INSC: variants seen among roughly 807,000 people sequenced by gnomAD.
INSC encodes the protein INSC spindle orientation adaptor protein, also known as protein inscuteable homolog.
A neutral mutation model predicts 58.6 loss-of-function variants in INSC; 67 were observed. The ratio of observed to expected loss-of-function variants is 1.14; its 90% CI spans 0.94 to 1.40. INSC has a LOEUF of 1.40. Ranked by LOEUF, INSC falls within the 40% of genes most tolerant of loss-of-function variation. INSC has a pLI of 0.00. For missense variants in INSC, 714 were observed against 692.0 expected (o/e 1.03, Z -0.36); for synonymous variants, 262 against 276.1 (o/e 0.95, Z 0.51).
the INSC span, among the ~76,000 whole-genome samples, chr11:15,258,281 C>T: frequency 6.6e-6 from 1 of 152,100 alleles, no homozygotes; most frequent in Admixed American, 6.5e-5. Flanking sequence ...GCCTCTCTTT[C>T]GTTATAAAGA....
chr11:15,133,335 TATTTGGTTCTTTCTCAA>T (rs576194138), intron 1 of INSC, among the ~76,000 whole-genome samples: 170 of 152,340 alleles, frequency 1.1e-3, no homozygotes, highest in African/African-American at 4.0e-3. Context: ...AGAAAAGTTC[TATTTGGTTCTTTCTCAA>T]ATTTTCTTGG....
intron 2 of INSC, among the ~76,000 whole-genome samples, chr11:15,154,794 C>G (rs1848756195): frequency 7.4e-6 from 1 of 135,098 alleles, no homozygotes; most frequent in Non-Finnish European, 1.7e-5. Flanking sequence ...GTTTTGAATG[C>G]TTTTGTCCCT....
chr11:15,199,194 TAACA>T (rs1299105598), intron 6 of INSC, among the ~76,000 whole-genome samples: 1 of 152,214 alleles, frequency 6.6e-6, no homozygotes, highest in Non-Finnish European at 1.5e-5. Flanking sequence ...AATAAACCAT[TAACA>T]TTTTTGAATG....
intron 2 of INSC, among the ~76,000 whole-genome samples, chr11:15,171,610 G>A (rs1194419030): frequency 1.3e-5 from 2 of 152,182 alleles, no homozygotes; most frequent in Non-Finnish European, 2.9e-5. Flanking sequence ...ATCTCCAACG[G>A]AAAGGGGGAG....
chr11:15,225,039 G>C (rs145958639), intron 8 of INSC, among the ~76,000 whole-genome samples: 1 of 152,074 alleles, frequency 6.6e-6, no homozygotes, highest in African/African-American at 2.4e-5. Flanking sequence ...GTGCATTACC[G>C]GAGACACACA....
At chr11:15,157,976 G>A (rs938517574) in intron 2 of INSC, among the ~76,000 whole-genome samples, 38 of 152,096 alleles carry the variant, frequency 2.5e-4, no homozygotes, top group African/African-American at 8.2e-4. Context: ...CTATCTCAGC[G>A]AGGGCAGCAG....
chr11:15,118,235 G>T (rs1305038573), intron 1 of INSC, among the ~76,000 whole-genome samples: 1 of 152,238 alleles, frequency 6.6e-6, no homozygotes, highest in Non-Finnish European at 1.5e-5. Context: ...GTGAGGCTAA[G>T]TGGTCAGGGA....
intron 10 of INSC, 68 bp downstream of exon 10, chr11:15,235,736 T>C (rs529558153): frequency 7.7e-6 from 10 of 1,301,258 alleles, no homozygotes; most frequent in Middle Eastern, 1.8e-4. Flanking sequence ...TCTTTGTGCT[T>C]GTGTGAATGC....
At chr11:15,207,301 C>T (rs1283579372) in intron 7 of INSC, among the ~76,000 whole-genome samples, 1 of 152,208 alleles carries the variant, frequency 6.6e-6, no homozygotes, top group African/African-American at 2.4e-5. Context: ...ATTCTCACTC[C>T]TCCCTTTTAT....
At chr11:15,260,267 G>A in the INSC span, among the ~76,000 whole-genome samples, 2 of 152,050 alleles carry the variant, frequency 1.3e-5, no homozygotes, top group Non-Finnish European at 2.9e-5. Context: ...TGTCATCTGG[G>A]TCCACCCATT....
intron 1 of INSC, among the ~76,000 whole-genome samples, chr11:15,120,660 A>G (rs747355290): frequency 6.6e-6 from 1 of 152,182 alleles, no homozygotes; most frequent in Non-Finnish European, 1.5e-5. Context: ...AAGATGTTAC[A>G]AGGAGCTTTG....
chr11:15,151,528 T>C lies in INSC; in HGVS notation c.56+2298T>C, dbSNP rs571213840. On this transcript the variant is annotated intron_variant, in intron 2 of 12. Transcript: ENST00000379556. Reference sequence around the variant, plus strand: ...GGGGGTCAGAGACGAGCTTCCTGGATAGCAGGAGACTGTGGCTGCTATGTC... The same window carrying C: ...GGGGGTCAGAGACGAGCTTCCTGGACAGCAGGAGACTGTGGCTGCTATGTC... Among the ~76,000 whole-genome samples, 5 of 152,314 alleles carry C rather than the reference T, an allele frequency of 3.3e-5. No homozygotes were observed. The East Asian group carries it at 7.7e-4, about 24-fold the overall frequency.
At chr11:15,154,854 C>T (rs1046226196) in intron 2 of INSC, among the ~76,000 whole-genome samples, 2 of 152,098 alleles carry the variant, frequency 1.3e-5, no homozygotes, top group African/African-American at 4.8e-5. Context: ...GATAGGAAAG[C>T]AAACCCATTG....
intron 5 of INSC, among the ~76,000 whole-genome samples, chr11:15,189,852 G>T (rs1298116844): frequency 1.3e-5 from 2 of 152,190 alleles, no homozygotes; most frequent in African/African-American, 4.8e-5. Context: ...TGAATCACAT[G>T]CTTCAAAGCA....
chr11:15,176,192 C>G (rs1377971145), intron 3 of INSC, 106 bp downstream of exon 3: 7 of 881,592 alleles, frequency 7.9e-6, no homozygotes. Flanking sequence ...CTCCAGAAGC[C>G]TTTCTCCCCT....
chr11:15,112,591 AGTGTGTGTGTGT>A (rs375142839), upstream of INSC: 834 of 367,210 alleles, frequency 2.3e-3, 12 homozygotes, highest in African/African-American at 0.024. Flanking sequence ...GGTGGATGTG[AGTGTGTGTGTGT>A]GTGTGTGTGT....
At chr11:15,215,937 T>G (rs911135072) in intron 7 of INSC, among the ~76,000 whole-genome samples, 1 of 152,084 alleles carries the variant, frequency 6.6e-6, no homozygotes, top group African/African-American at 2.4e-5. Flanking sequence ...TTAAGTGAAT[T>G]GGGGTTGAGG....
chr11:15,140,057 C>T (rs1848332008), intron 1 of INSC, among the ~76,000 whole-genome samples: 1 of 152,174 alleles, frequency 6.6e-6, no homozygotes, highest in Non-Finnish European at 1.5e-5. Flanking sequence ...TTCCAGGAGC[C>T]TGAGCTTTCC....
intron 10 of INSC, among the ~76,000 whole-genome samples, chr11:15,238,293 T>C (rs942060218): frequency 6.6e-6 from 1 of 152,184 alleles, no homozygotes; most frequent in Non-Finnish European, 1.5e-5. Context: ...TACTGCACCC[T>C]TTTCCAGGTT....
Sources: gnomAD v4.1 joint callset for allele counts (sites outside exome capture counted in the v4.1 genomes callset) on GRCh38, gnomAD v4.1.1 for gene constraint, MANE v1.5 for transcripts, NCBI Gene and HGNC (gene_info 2026-07-23, HGNC 2026-07-21) for gene names.